Variants in PRC1 observed in about 807,000 individuals in gnomAD.
PRC1 encodes anaphase spindle elongation 1 homolog.
In PRC1, 54 loss-of-function variants were observed where a neutral mutation model predicts 91.2. The observed-to-expected ratio is 0.59, with a 90% CI of 0.48 to 0.74. The LOEUF (loss-of-function observed/expected upper bound fraction) is 0.74, where lower values mean the gene tolerates loss of function less well. Ranked by LOEUF, PRC1 falls within the 30% of genes least tolerant of loss-of-function variation. The pLI is 0.00. For synonymous variants in PRC1, 275 were observed against 263.6 expected, an observed-to-expected ratio of 1.04 and a Z score of -0.42; for missense variants, 727 against 746.2, an observed-to-expected ratio of 0.97 and a Z score of 0.30.
chr15:90,981,887 A>T lies in PRC1; in HGVS notation c.362T>A (p.Leu121Gln), dbSNP rs751384527. 1 of 1,614,228 alleles carries T rather than the reference A, an allele frequency of 6.2e-7. No individual in the cohort carries two copies. Among genetic ancestry groups the T allele is most frequent in the Non-Finnish European group, 8.5e-7 (1 of 1,180,040 alleles). The stretch of plus-strand genomic sequence containing the variant: ...TTGATCTTGCTCTTGAAGTAGCTTC[A>T]GTTCCTGTTTTCTCTCCTTTTTCTG... Reference protein sequence around the residue: ...RKQKKERKQELKLLQEQDQEL... With the variant: ...RKQKKERKQEQKLLQEQDQEL... Residue 121 changes from leucine to glutamine, a missense_variant, in exon 4 of 15, where the codon CTG becomes CAG. By Grantham distance (113) the Leu-to-Gln change is moderately radical (BLOSUM62 -2). Transcript: ENST00000394249.
rs974862128 is a variant in PRC1, at chr15:90,980,959, C to A, written c.747G>T (p.Arg249Ser). The A allele has an allele frequency of 6.2e-7, 1 of 1,614,102 alleles. No homozygotes were observed. The highest frequency in any genetic ancestry group is 8.5e-7 in the Non-Finnish European group (1 of 1,180,054). ...LRTQIRELWD[R>S]LQIPEEEREA... ...CTCTTTCTTCTTCAGGTATTTGCAA[C>A]CTGTCCCAGAGCTCTCGGATTTGAG... is the stretch of plus-strand genomic sequence containing the variant. The change falls in exon 6 of 15, where the codon AGG (arginine) becomes AGT (serine). Residue 249 changes from arginine to serine, a missense_variant. Physicochemically the swap from Arg to Ser is moderately radical, Grantham distance 110. Transcript: ENST00000394249.
intron 3 of PRC1, chr15:90,982,523 C>A (rs2039279843): frequency 6.5e-6 from 1 of 154,766 alleles, no homozygotes; most frequent in African/African-American, 2.4e-5. Flanking sequence ...CCAAGGTGGG[C>A]AGATCACGAG....
intron 3 of PRC1, chr15:90,983,789 G>A: frequency 2.4e-6 from 1 of 408,640 alleles, no homozygotes; most frequent in Non-Finnish European, 4.2e-6. Flanking sequence ...GTAAGCAGCA[G>A]CTTCTTTTTG....
chr15:90,981,231 AG>A, intron 5 of PRC1, 198 bp from the exon 6 acceptor site: 2 of 763,232 alleles, frequency 2.6e-6, no homozygotes, highest in Non-Finnish European at 2.0e-6. Flanking sequence ...ATTCAAATTT[AG>A]AACTGAAAAA....
At position 90,966,096 on chromosome 15, in the gene PRC1, T is replaced by G. The variant is rs1207940282; in HGVS notation, c.*1035A>C. 6.6e-6 allele frequency: 1 copy of G among 152,322 alleles called. No individual in the cohort carries two copies. The allele number at this position is 152,322 out of a possible 1,614,324, so 9.4% of individuals were successfully genotyped here. On this transcript the variant is annotated 3_prime_UTR_variant, in exon 15 of 15. Coordinates refer to ENST00000394249, the MANE Select transcript of PRC1 (RefSeq NM_003981.4). ...TATTTTTAAGAATAATTGTATATTT[T>G]AAAAACAGGACACGTACTGTATGAG...
intron 1 of PRC1, among the ~76,000 whole-genome samples, chr15:90,989,412 ATTTTTTTTT>A (rs58512103): frequency 8.4e-5 from 10 of 118,464 alleles, no homozygotes; most frequent in African/African-American, 2.2e-4. Context: ...TGCTTGGCTA[ATTTTTTTTT>A]TTTTTTTTTT....
chr15:90,971,787 G>C (rs1049384473), intron 11 of PRC1, among the ~76,000 whole-genome samples: 6 of 151,842 alleles, frequency 4.0e-5, no homozygotes, highest in African/African-American at 1.5e-4. Context: ...CAGCACTTTG[G>C]GAGGCTGGGG....
chr15:90,980,469 G>A, intron 6 of PRC1, 80 bp from the exon 7 acceptor site: 3 of 1,073,322 alleles, frequency 2.8e-6, no homozygotes, highest in Non-Finnish European at 3.9e-6. Context: ...CCCCTTTTAA[G>A]TAAAATTATA....
intron 1 of PRC1, 134 bp downstream of exon 1, chr15:90,994,273 G>A (rs1463528286): frequency 3.6e-6 from 5 of 1,395,996 alleles, no homozygotes; most frequent in African/African-American, 1.5e-5. Context: ...AGCGCCCCCG[G>A]CCTCCCTCGG....
chr15:90,967,374 C>A lies in PRC1; in HGVS notation c.1792-172G>T, dbSNP rs565710884. On this transcript the variant is annotated intron_variant, in intron 14 of 14. Transcript: ENST00000394249. ...AAGGTGAGGAACTCTGAGCACCATT[C>A]TATTAGTCACAGACAGAGTGCATGT... The A allele has an allele frequency of 1.1e-4, 66 of 616,184 alleles. No homozygotes were observed. In the Middle Eastern group the frequency reaches 3.3e-3, roughly 31 times the overall value. 38.2% of individuals were successfully genotyped at this position (616,184 alleles called of 1,614,324 possible).
At chr15:90,982,717 T>G (rs2039299769) in intron 3 of PRC1, 1 of 152,320 alleles carries the variant, frequency 6.6e-6, no homozygotes, top group Non-Finnish European at 1.5e-5. Context: ...ATTGCACTCC[T>G]GCCTGGACAA....
chr15:90,984,154 A>G lies in PRC1; in HGVS notation c.145-14T>C. On this transcript the variant is annotated splice_polypyrimidine_tract_variant and intron_variant, in intron 2 of 14. Coordinates refer to ENST00000394249, the MANE Select transcript of PRC1 (RefSeq NM_003981.4). This position sits in a 1 kb window ranked among gnomAD's most constrained non-coding sequence, Gnocchi z 5.1. ...ATCCAGGAGTTCCTACAAGAGGGAAAACAGTCCATAAGTTTGGGGCAATGG... is the reference window on the plus strand; with the variant it reads ...ATCCAGGAGTTCCTACAAGAGGGAAGACAGTCCATAAGTTTGGGGCAATGG... 1.2e-6 allele frequency: 2 copies of G among 1,613,866 alleles called. No homozygotes were observed. Among genetic ancestry groups the G allele is most frequent in the Non-Finnish European group, 1.7e-6 (2 of 1,179,868 alleles).
chr15:90,989,012 T>A (rs2039781259), intron 1 of PRC1, among the ~76,000 whole-genome samples: 1 of 152,094 alleles, frequency 6.6e-6, no homozygotes, highest in Non-Finnish European at 1.5e-5. Flanking sequence ...AGAATCTGAA[T>A]AGACATTTCT....
rs780941370 is a variant in PRC1, at chr15:90,974,748, G to C, written c.1204-17C>G. 1.2e-6 allele frequency: 2 copies of C among 1,613,982 alleles called. No homozygotes were observed. Among genetic ancestry groups the C allele is most frequent in the Non-Finnish European group, 1.7e-6 (2 of 1,179,920 alleles). The stretch of plus-strand genomic sequence containing the variant: ...TTCTTCCAGCTGAGACCAGAAACAA[G>C]GACATGTTAATTACTTCAACTCTTT... On this transcript the variant is annotated splice_polypyrimidine_tract_variant and intron_variant, in intron 9 of 14. Transcript: ENST00000394249. The surrounding 1 kb of genome is among the most constrained non-coding windows in gnomAD (Gnocchi z 4.6).
intron 14 of PRC1, chr15:90,968,314 T>C: frequency 1.0e-6 from 1 of 985,428 alleles, no homozygotes; most frequent in Non-Finnish European, 1.2e-6. Flanking sequence ...AGGAAGCCAG[T>C]TTCAGTGATC....
chr15:90,981,540 A>C lies in PRC1; in HGVS notation c.631T>G (p.Ser211Ala). 2 of 1,614,032 alleles carry C rather than the reference A, an allele frequency of 1.2e-6. No homozygotes were observed. The highest frequency in any genetic ancestry group is 1.7e-6 in the Non-Finnish European group (2 of 1,180,038). The change falls in exon 5 of 15, where the codon TCT becomes GCT. Residue 211 changes from serine to alanine, a missense_variant. By Grantham distance (99) the Ser-to-Ala change is moderately conservative. Coordinates refer to ENST00000394249, the MANE Select transcript of PRC1 (RefSeq NM_003981.4). ...TGTAGTGTTGCAATATTCTCCAAAGACAAACAAAAGGCATCTTCGTCTTCA... is the reference window on the plus strand; with the variant it reads ...TGTAGTGTTGCAATATTCTCCAAAGCCAAACAAAAGGCATCTTCGTCTTCA... ...VCEDEDAFCL[S>A]LENIATLQKL...
intron 14 of PRC1, chr15:90,968,010 A>G (rs1314312487): frequency 1.0e-6 from 1 of 985,234 alleles, no homozygotes; most frequent in Non-Finnish European, 1.2e-6. Flanking sequence ...AGAGCAGCAA[A>G]AGATAAAGCA....
In PRC1 at chr15:90,966,919, A is replaced by AAAG. The variant is rs2037543428; in HGVS notation, c.*211_*212insCTT. The AAAG allele has an allele frequency of 1.7e-6, 1 of 583,254 alleles. No homozygotes were observed. The highest frequency in any genetic ancestry group is 3.1e-6 in the Non-Finnish European group (1 of 327,486). 36.1% of individuals were successfully genotyped at this position (583,254 alleles called of 1,614,324 possible). A position where few individuals can be genotyped will look rare whatever the true frequency, so the allele number is the denominator to read the frequency against. ...ACTTCTTGCCATAAACTTTTCATGT[A>AAAG]TATAAGTCAAAACCAAGTCTCCTAG... On this transcript the variant is annotated 3_prime_UTR_variant, in exon 15 of 15. Coordinates refer to ENST00000394249, the MANE Select transcript of PRC1 (RefSeq NM_003981.4).
chr15:90,974,252 T>C lies in PRC1; in HGVS notation c.1351-6A>G, dbSNP rs2038453083. ...TGTTTTTTGTTCTTCAGTTGCTGTGTGAAAGTCAGAAGCAACAGTGATAAA... is the reference window on the plus strand; with the variant it reads ...TGTTTTTTGTTCTTCAGTTGCTGTGCGAAAGTCAGAAGCAACAGTGATAAA... On this transcript the variant is annotated splice_region_variant and splice_polypyrimidine_tract_variant and intron_variant, in intron 10 of 14. Transcript: ENST00000394249. This position sits in a 1 kb window ranked among gnomAD's most constrained non-coding sequence, Gnocchi z 4.6. 1 of 1,608,100 alleles carries C rather than the reference T, an allele frequency of 6.2e-7. No individual in the cohort carries two copies. The highest frequency in any genetic ancestry group is 1.3e-5 in the African/African-American group (1 of 74,888).
Sources: gnomAD v4.1 joint callset for allele counts (sites outside exome capture counted in the v4.1 genomes callset) on GRCh38, gnomAD v4.1.1 for gene constraint, Gnocchi (gnomAD v3.1) non-coding constraint, MANE v1.5 for transcripts, NCBI Gene and HGNC (gene_info 2026-07-23, HGNC 2026-07-21) for gene names.